Variants in C1orf115 observed in about 807,000 individuals in gnomAD.
The protein encoded by C1orf115 is required for drug-induced death protein 1.
In C1orf115, 14 loss-of-function variants were observed where a neutral mutation model predicts 12.5. The observed-to-expected ratio is 1.12, with a 90% CI of 0.74 to 1.75. The LOEUF (loss-of-function observed/expected upper bound fraction) is 1.75, where lower values mean the gene tolerates loss of function less well. Among genes scored for constraint, C1orf115 ranks in the 40% most tolerant of loss-of-function variants. C1orf115 has a pLI of 0.00. For missense variants in C1orf115, 237 were observed against 220.8 expected (o/e 1.07, Z -0.46); for synonymous variants, 109 against 104.6 (o/e 1.04, Z -0.26).
intron 1 of C1orf115, among the ~76,000 whole-genome samples, chr1:220,691,382 A>G (rs405682): frequency 0.12 from 17,714 of 152,194 alleles, 1,674 homozygotes; most frequent in East Asian, 0.31. Context: ...TGCAGTTCCC[A>G]GGTGTCTCTG....
In C1orf115 at chr1:220,696,647, CGT is replaced by C; in HGVS notation, c.347_348del (p.Val116GlyfsTer56). 1 of 1,600,170 alleles carries C rather than the reference CGT, an allele frequency of 6.2e-7. No homozygotes were observed. Among genetic ancestry groups the C allele is most frequent in the Non-Finnish European group, 8.6e-7 (1 of 1,168,436 alleles). ...AGGTCATCATCAAAGGATGCCGCTA[CGT>C]GGTCATCGGCCTGCAAGGCTTCGCT... is the stretch of plus-strand genomic sequence containing the variant. Reference protein sequence around the residue: ...GKVIIKGCRYVVIGLQGFAAA... With the variant: ...GKVIIKGCRYXVIGLQGFAAA... On this transcript the variant is annotated frameshift_variant, in exon 2 of 2. Transcript: ENST00000294889. LOFTEE classifies it high-confidence loss of function.
chr1:220,696,828 T>C lies in C1orf115; in HGVS notation c.*97T>C, dbSNP rs1670203381. 1.4e-6 allele frequency: 2 copies of C among 1,408,278 alleles called. No homozygotes were observed. Among genetic ancestry groups the C allele is most frequent in the African/African-American group, 1.4e-5 (1 of 70,248 alleles). 87.2% of individuals were successfully genotyped at this position (1,408,278 alleles called of 1,614,324 possible). The stretch of plus-strand genomic sequence containing the variant: ...GCATCTCAGACTTGAACACACAGCA[T>C]ATTTGGAAGAGAAAACATGCCTTTC... On this transcript the variant is annotated 3_prime_UTR_variant, in exon 2 of 2. Coordinates refer to ENST00000294889, the MANE Select transcript of C1orf115 (RefSeq NM_024709.5).
chr1:220,690,977 C>G (rs1002395625), intron 1 of C1orf115, among the ~76,000 whole-genome samples: 1 of 152,104 alleles, frequency 6.6e-6, no homozygotes, highest in Non-Finnish European at 1.5e-5. Flanking sequence ...GGGCTCCTAC[C>G]GCGGTGGTTT....
chr1:220,690,999 C>A (rs1302236970), intron 1 of C1orf115, among the ~76,000 whole-genome samples: 1 of 152,106 alleles, frequency 6.6e-6, no homozygotes, highest in Non-Finnish European at 1.5e-5. Context: ...TATGTAAGAT[C>A]AGGAATCAGT....
In C1orf115 at chr1:220,690,422, T is replaced by C; in HGVS notation, c.20T>C (p.Leu7Pro). MTVGAR[L>P]RSKAESSLLR... is the part of the protein sequence containing the mutation. ...GACATCATGACGGTGGGAGCCAGGC[T>C]CCGAAGCAAGGCGGAGAGCAGCCTC... Residue 7 changes from leucine to proline, a missense_variant, in exon 1 of 2, where the codon CTC becomes CCC. Transcript: ENST00000294889. 7 of 1,437,334 alleles carry C rather than the reference T, an allele frequency of 4.9e-6. No homozygotes were observed. Among genetic ancestry groups the C allele is most frequent in the Non-Finnish European group, 6.3e-6 (7 of 1,103,388 alleles). 89.0% of individuals were successfully genotyped at this position (1,437,334 alleles called of 1,614,324 possible).
chr1:220,690,497 C>T lies in C1orf115; in HGVS notation c.95C>T (p.Ala32Val). Residue 32 changes from alanine to valine, a missense_variant, in exon 1 of 2, where the codon GCG becomes GTG. Transcript: ENST00000294889. ...GRGRTEGDEEAAAILEHLEYA... is the reference protein window; with the variant it reads ...GRGRTEGDEEVAAILEHLEYA... ...GGGCGAACCGAGGGGGACGAGGAGG[C>T]GGCCGCCATCCTGGAGCACCTGGAG... 1 of 1,433,062 alleles carries T rather than the reference C, an allele frequency of 7.0e-7. No individual in the cohort carries two copies. Among genetic ancestry groups the T allele is most frequent in the Non-Finnish European group, 9.1e-7 (1 of 1,099,628 alleles). The allele number at this position is 1,433,062 out of a possible 1,614,324, so 88.8% of individuals were successfully genotyped here.
chr1:220,695,309 G>A (rs541698770), intron 1 of C1orf115, among the ~76,000 whole-genome samples: 2 of 152,188 alleles, frequency 1.3e-5, no homozygotes, highest in South Asian at 2.1e-4. Context: ...AATGATGGAG[G>A]TGGTGAAGGG....
intron 1 of C1orf115, among the ~76,000 whole-genome samples, chr1:220,692,910 G>A (rs1558343677): frequency 6.6e-6 from 1 of 152,328 alleles, no homozygotes; most frequent in South Asian, 2.1e-4. Flanking sequence ...CTGTGGGCAT[G>A]AAAGCTCTAG....
chr1:220,693,814 C>A (rs894184336), intron 1 of C1orf115, among the ~76,000 whole-genome samples: 6 of 152,120 alleles, frequency 3.9e-5, no homozygotes, highest in Non-Finnish European at 8.8e-5. Context: ...TGTGGTGGCT[C>A]ACACATGTAA....
At position 220,695,625 on chromosome 1, in the gene C1orf115, C is replaced by T. The variant is rs756749265; in HGVS notation, c.310-987C>T. ...AAGGGAAAAGGTATGAGGCAGTACC[C>T]GGGGGAGAGAGAAATTCATCCTACT... On this transcript the variant is annotated intron_variant, in intron 1 of 1. Transcript: ENST00000294889. 6.0e-5 allele frequency among the ~76,000 whole-genome samples: 9 copies of T among 151,070 alleles called. 1 individual carries two copies. The South Asian group carries it at 1.5e-3, about 25-fold the overall frequency.
intron 1 of C1orf115, among the ~76,000 whole-genome samples, chr1:220,692,848 A>C (rs1670133629): frequency 6.6e-6 from 1 of 152,222 alleles, no homozygotes; most frequent in Non-Finnish European, 1.5e-5. Context: ...ACAAGATTTC[A>C]GTGGATAGAG....
intron 1 of C1orf115, 66 bp downstream of exon 1, chr1:220,690,777 C>T: frequency 6.6e-7 from 1 of 1,513,444 alleles, no homozygotes; most frequent in Admixed American, 2.1e-5. Context: ...GAGCGGGAGC[C>T]GGGTCCTTAC....
chr1:220,698,506 C>T lies in C1orf115; in HGVS notation c.*1775C>T, dbSNP rs1201038713. On this transcript the variant is annotated 3_prime_UTR_variant, in exon 2 of 2. Coordinates refer to ENST00000294889, the MANE Select transcript of C1orf115 (RefSeq NM_024709.5). The stretch of plus-strand genomic sequence containing the variant: ...TTTCACACACGTGAGATAATTACAG[C>T]TTGCCCCACAACACTGGGTGTTGGA... 1.3e-5 allele frequency: 2 copies of T among 152,252 alleles called. No homozygotes were observed. Among genetic ancestry groups the T allele is most frequent in the Admixed American group, 6.5e-5 (1 of 15,288 alleles). The allele number at this position is 152,252 out of a possible 1,614,324, so 9.4% of individuals were successfully genotyped here. A position where few individuals can be genotyped will look rare whatever the true frequency, so the allele number is the denominator to read the frequency against.
At chr1:220,691,897 G>T (rs1670114858) in intron 1 of C1orf115, among the ~76,000 whole-genome samples, 1 of 152,224 alleles carries the variant, frequency 6.6e-6, no homozygotes, top group Non-Finnish European at 1.5e-5. Flanking sequence ...CAGCCTCCCA[G>T]GGAGACACTG....
Position 220,690,659 on chromosome 1 carries a change from C to A in C1orf115, c.257C>A (p.Pro86Gln), listed in dbSNP as rs769418928. 9.4e-6 allele frequency: 15 copies of A among 1,593,138 alleles called. No individual in the cohort carries two copies. The South Asian group carries it at 1.0e-4, about 11-fold the overall frequency. Residue 86 changes from proline to glutamine, a missense_variant, in exon 1 of 2, where the codon CCG becomes CAG. Physicochemically the swap from Pro to Gln is moderately conservative, Grantham distance 76. Coordinates refer to ENST00000294889, the MANE Select transcript of C1orf115 (RefSeq NM_024709.5). The stretch of plus-strand genomic sequence containing the variant: ...TACGAGCCACTGGAGGAGCCGGCGC[C>A]GAGCGAGCAGCCCAGGAAGAGGTAC... The part of the protein sequence containing the change: ...ERYEPLEEPA[P>Q]SEQPRKRYRR...
Position 220,691,536 on chromosome 1 carries a change from C to A in C1orf115, c.309+825C>A, listed in dbSNP as rs142425927. ...GTCTATTTATCTGTGTTGCCCAATG[C>A]CGTCTTACACCTGAAGCCATTCAGT... On this transcript the variant is annotated intron_variant, in intron 1 of 1. Coordinates refer to ENST00000294889, the MANE Select transcript of C1orf115 (RefSeq NM_024709.5). Among the ~76,000 whole-genome samples the A allele has an allele frequency of 5.8e-3, 891 of 152,308 alleles. 10 individuals are homozygous for A. The highest frequency in any genetic ancestry group is 0.02 in the African/African-American group (821 of 41,552).
Position 220,696,875 on chromosome 1 carries a change from G to C in C1orf115, c.*144G>C. ...TTTCTTTGTTGAATCACATTAGTATGATGAGTGAGTCATCCCTGCCCATCT... is the reference window on the plus strand; with the variant it reads ...TTTCTTTGTTGAATCACATTAGTATCATGAGTGAGTCATCCCTGCCCATCT... On this transcript the variant is annotated 3_prime_UTR_variant, in exon 2 of 2. Coordinates refer to ENST00000294889, the MANE Select transcript of C1orf115 (RefSeq NM_024709.5). The C allele has an allele frequency of 9.4e-7, 1 of 1,064,504 alleles. No individual in the cohort carries two copies. Among genetic ancestry groups the C allele is most frequent in the Admixed American group, 2.9e-5 (1 of 34,360 alleles). The allele number at this position is 1,064,504 out of a possible 1,614,324, so 65.9% of individuals were successfully genotyped here.
At chr1:220,690,779 G>A (rs1469517730) in intron 1 of C1orf115, 68 bp downstream of exon 1, 2 of 1,509,856 alleles carry the variant, frequency 1.3e-6, no homozygotes, top group East Asian at 2.7e-5. Context: ...GCGGGAGCCG[G>A]GTCCTTACCA....
At position 220,690,570 on chromosome 1, in the gene C1orf115, G is replaced by C. The variant is rs750453432; in HGVS notation, c.168G>C (p.Ala56=). Residue 56 remains alanine, a synonymous_variant, in exon 1 of 2, where the codon GCG becomes GCC. Coordinates refer to ENST00000294889, the MANE Select transcript of C1orf115 (RefSeq NM_024709.5). ...CGGCCGAGAGCGGGACGAGCGCGGC[G>C]GACGAGCGGGGCCCGGGGACCCGGG... ...EAAAESGTSA[A]DERGPGTRGA... is the part of the protein sequence containing the mutation. 4.0e-6 allele frequency: 6 copies of C among 1,487,666 alleles called. No individual in the cohort carries two copies. The South Asian group carries it at 7.9e-5, about 20-fold the overall frequency. 92.2% of individuals were successfully genotyped at this position (1,487,666 alleles called of 1,614,324 possible). A position where few individuals can be genotyped will look rare whatever the true frequency, so the allele number is the denominator to read the frequency against.
Sources: allele counts gnomAD v4.1 joint callset (sites outside exome capture counted in the v4.1 genomes callset), GRCh38; gene constraint gnomAD v4.1.1; transcripts MANE v1.5; gene names NCBI Gene and HGNC (gene_info 2026-07-23, HGNC 2026-07-21).